The following TMEM132D variants were observed in gnomAD, a reference collection of about 807,000 sequenced individuals.
The protein encoded by TMEM132D is mature OL transmembrane protein.
Under a neutral mutation model 62.3 loss-of-function variants are expected in TMEM132D, and 21 were observed. That is an observed-to-expected ratio of 0.34 (90% CI 0.24 to 0.49). The LOEUF (loss-of-function observed/expected upper bound fraction) is 0.49, where lower values mean the gene tolerates loss of function less well. Ranked by LOEUF, TMEM132D falls within the 20% of genes least tolerant of loss-of-function variation. TMEM132D has a pLI of 0.99. For synonymous variants in TMEM132D, 621 were observed against 575.6 expected (o/e 1.08, Z -1.13); for missense variants, 1,346 against 1,402.8 (o/e 0.96, Z 0.65).
rs542902230 is a variant in TMEM132D at position 129,896,144 on chromosome 12, TG to T, written c.79+7116del. 6.3e-5 allele frequency among the ~76,000 whole-genome samples: 5 copies of T among 79,002 alleles called. No homozygotes were observed. The South Asian group carries it at 1.4e-3, about 22-fold the overall frequency. 51.8% of individuals were successfully genotyped at this position (79,002 alleles called of 152,430 possible). A position where few individuals can be genotyped will look rare whatever the true frequency, so the allele number is the denominator to read the frequency against. On this transcript the variant is annotated intron_variant, in intron 1 of 8. Coordinates refer to ENST00000422113, the MANE Select transcript of TMEM132D (RefSeq NM_133448.3). ...ACCACTGCACCTGGCTCATTTTTTTTGTTTTGTTTTGTTTTGTTTTTGTAGA... is the reference window on the plus strand; with the variant it reads ...ACCACTGCACCTGGCTCATTTTTTTTTTTTGTTTTGTTTTGTTTTTGTAGA...
chr12:129,598,982 A>G (rs1378131530), intron 2 of TMEM132D, among the ~76,000 whole-genome samples: 1 of 152,214 alleles, frequency 6.6e-6, no homozygotes, highest in African/African-American at 2.4e-5. Flanking sequence ...AACCAATCAC[A>G]GAAAATGCTT....
At chr12:129,186,830 T>C (rs1878235036) in intron 5 of TMEM132D, among the ~76,000 whole-genome samples, 1 of 152,204 alleles carries the variant, frequency 6.6e-6, no homozygotes, top group Non-Finnish European at 1.5e-5. Flanking sequence ...AAGTGACAAT[T>C]CCATTTTTTC....
chr12:129,408,518 G>T (rs1871866187), intron 3 of TMEM132D, among the ~76,000 whole-genome samples: 1 of 151,282 alleles, frequency 6.6e-6, no homozygotes, highest in African/African-American at 2.4e-5. Flanking sequence ...GCAAAGTTGG[G>T]GAGTGCTTTT....
At chr12:129,772,672 C>T (rs1017373523) in intron 1 of TMEM132D, among the ~76,000 whole-genome samples, 3 of 152,190 alleles carry the variant, frequency 2.0e-5, no homozygotes, top group Admixed American at 2.0e-4. Context: ...CTGATAACAG[C>T]ATCTAGATGT....
intron 2 of TMEM132D, 71 bp downstream of exon 2, chr12:129,699,739 G>A: frequency 1.3e-6 from 2 of 1,561,786 alleles, no homozygotes; most frequent in Admixed American, 1.8e-5. Flanking sequence ...CAGCTTTTCT[G>A]GTCAAACAGC....
At chr12:129,616,209 T>C (rs1878913645) in intron 2 of TMEM132D, among the ~76,000 whole-genome samples, 1 of 152,142 alleles carries the variant, frequency 6.6e-6, no homozygotes. Context: ...CACAATGAAT[T>C]AAGTGAAAGT....
intron 1 of TMEM132D, among the ~76,000 whole-genome samples, chr12:129,765,011 T>C (rs1436862965): frequency 6.6e-6 from 1 of 152,080 alleles, no homozygotes; most frequent in East Asian, 1.9e-4. Flanking sequence ...AGTGAGGAAA[T>C]ACAGTCTTTG....
intron 3 of TMEM132D, among the ~76,000 whole-genome samples, chr12:129,391,360 G>A (rs1871284621): frequency 6.6e-6 from 1 of 152,220 alleles, no homozygotes; most frequent in Admixed American, 6.5e-5. Flanking sequence ...CATGGAATAG[G>A]AGGAGAAGGT....
chr12:129,890,468 G>A (rs778275828), intron 1 of TMEM132D, among the ~76,000 whole-genome samples: 17 of 152,174 alleles, frequency 1.1e-4, no homozygotes, highest in Non-Finnish European at 2.1e-4. Context: ...CCCAACCCTG[G>A]CTCCCTGGTA....
At chr12:129,078,451 C>G (rs1334757354) in intron 8 of TMEM132D, 83 bp downstream of exon 8, 1 of 1,417,650 alleles carries the variant, frequency 7.1e-7, no homozygotes, top group Non-Finnish European at 9.7e-7. Context: ...TATTGTGCGA[C>G]CCGCCTGGCG....
At chr12:129,422,880 A>G (rs986805241) in intron 3 of TMEM132D, among the ~76,000 whole-genome samples, 17 of 140,724 alleles carry the variant, frequency 1.2e-4, no homozygotes, top group African/African-American at 4.2e-4. Context: ...ATATGTGTAT[A>G]TATATATATA....
rs1002493145 is a variant in TMEM132D, at chr12:129,665,140, C to T, written c.968+34670G>A. Among the ~76,000 whole-genome samples, 16 of 152,182 alleles carry T rather than the reference C, an allele frequency of 1.1e-4. No individual in the cohort carries two copies. In the East Asian group the frequency reaches 2.9e-3, roughly 28 times the overall value. ...CATGGTTTAGGCCCCAGATCCTACC[C>T]CAGACCCTACCTCAAACTTACCAGT... On this transcript the variant is annotated intron_variant, in intron 2 of 8. Transcript: ENST00000422113.
intron 1 of TMEM132D, among the ~76,000 whole-genome samples, chr12:129,721,557 T>C (rs979470212): frequency 1.3e-5 from 2 of 152,068 alleles, no homozygotes; most frequent in African/African-American, 4.8e-5. Context: ...CTGCTGGCGC[T>C]CTAGGTGAGC....
At chr12:129,510,567 C>T (rs527665917) in intron 3 of TMEM132D, among the ~76,000 whole-genome samples, 39 of 152,212 alleles carry the variant, frequency 2.6e-4, no homozygotes, top group African/African-American at 8.9e-4. Context: ...GTTTCCCTGA[C>T]GTCTTCTTGC....
At chr12:129,584,680 A>G (rs1373827676) in intron 2 of TMEM132D, among the ~76,000 whole-genome samples, 2 of 152,228 alleles carry the variant, frequency 1.3e-5, no homozygotes, top group African/African-American at 4.8e-5. Flanking sequence ...GGCCTAGACT[A>G]GGCTCCACAG....
chr12:129,549,933 A>G (rs2137104830), intron 2 of TMEM132D, among the ~76,000 whole-genome samples: 1 of 152,334 alleles, frequency 6.6e-6, no homozygotes, highest in African/African-American at 2.4e-5. Context: ...GTCGGCCTCA[A>G]AACACGAAGG....
chr12:129,285,760 C>T (rs1398971508), intron 4 of TMEM132D, among the ~76,000 whole-genome samples: 2 of 151,422 alleles, frequency 1.3e-5, no homozygotes, highest in South Asian at 2.1e-4. Flanking sequence ...TGAAAAGTAA[C>T]TTTTTTTTTC....
intron 4 of TMEM132D, among the ~76,000 whole-genome samples, chr12:129,253,467 G>GTCTCTT (rs1368376209): frequency 3.3e-5 from 5 of 152,132 alleles, no homozygotes; most frequent in African/African-American, 4.8e-5. Flanking sequence ...TTAATTTCCA[G>GTCTCTT]CCAACCCATA....
At chr12:129,378,913 C>A (rs530708126) in intron 3 of TMEM132D, among the ~76,000 whole-genome samples, 2 of 152,080 alleles carry the variant, frequency 1.3e-5, no homozygotes, top group African/African-American at 4.8e-5. Context: ...AATGTCTCGG[C>A]GTTCTTTTCA....
Sources: gnomAD v4.1 joint callset for allele counts (sites outside exome capture counted in the v4.1 genomes callset) on GRCh38, gnomAD v4.1.1 for gene constraint, MANE v1.5 for transcripts, NCBI Gene and HGNC (gene_info 2026-07-23, HGNC 2026-07-21) for gene names.